The following RCC2 variants were observed in gnomAD, a reference collection of about 807,000 sequenced individuals.
RCC2 encodes the protein regulator of chromosome condensation 2.
In RCC2, 19 loss-of-function variants were observed where a neutral mutation model predicts 64.1. The ratio of observed to expected loss-of-function variants is 0.30; its 90% CI spans 0.21 to 0.44. The LOEUF is 0.44. Ranked by LOEUF, RCC2 falls within the 20% of genes least tolerant of loss-of-function variation. RCC2 has a pLI of 1.00. For synonymous variants in RCC2, 325 were observed against 279.6 expected (o/e 1.16, Z -1.62); for missense variants, 508 against 710.4 (o/e 0.72, Z 3.24).
chr1:17,413,727 A>C lies in RCC2; in HGVS notation c.1027-10T>G. 6.2e-7 allele frequency: 1 copy of C among 1,605,100 alleles called. No homozygotes were observed. Among genetic ancestry groups the C allele is most frequent in the Non-Finnish European group, 8.5e-7 (1 of 1,176,226 alleles). On this transcript the variant is annotated splice_polypyrimidine_tract_variant and intron_variant, in intron 8 of 12. Transcript: ENST00000375436. Reference sequence around the variant, plus strand: ...GGGAGTCCAGGACCAGCTGCAAGGAAAGAAAACACAGGGTTGGAACAAACA... The same window carrying C: ...GGGAGTCCAGGACCAGCTGCAAGGACAGAAAACACAGGGTTGGAACAAACA...
chr1:17,428,417 G>A (rs1268588909), intron 3 of RCC2, among the ~76,000 whole-genome samples: 2 of 141,270 alleles, frequency 1.4e-5, no homozygotes, highest in Non-Finnish European at 3.2e-5. Flanking sequence ...GATTTCCAAC[G>A]CCCCTGTTTT....
rs528043222 is a variant in RCC2, at chr1:17,424,117, C to T, written c.524-1281G>A. On this transcript the variant is annotated intron_variant, in intron 4 of 12. Coordinates refer to ENST00000375436, the MANE Select transcript of RCC2 (RefSeq NM_018715.4). ...CTGAGATGCGGCAGGACAGGGTGAG[C>T]GGGCCACAGATGGAGACCCCACATG... Among the ~76,000 whole-genome samples, 7 of 152,316 alleles carry T rather than the reference C, an allele frequency of 4.6e-5. No individual in the cohort carries two copies. The East Asian group carries it at 9.6e-4, about 21-fold the overall frequency.
chr1:17,432,561 T>C (rs1186979234), intron 2 of RCC2, among the ~76,000 whole-genome samples: 1 of 152,072 alleles, frequency 6.6e-6, no homozygotes. Flanking sequence ...CACCCTACAC[T>C]GAGATGCAAC....
chr1:17,422,197 G>T lies in RCC2; in HGVS notation c.744+6C>A. On this transcript the variant is annotated splice_donor_region_variant and intron_variant, in intron 6 of 12. Transcript: ENST00000375436. ...AGCCATGGAGCCGGAGCTGAGGAGG[G>T]GTCACCTGCGCGGGGCTGGGAACAG... 6.3e-7 allele frequency: 1 copy of T among 1,597,424 alleles called. No homozygotes were observed. The highest frequency in any genetic ancestry group is 8.6e-7 in the Non-Finnish European group (1 of 1,169,210).
Position 17,438,379 on chromosome 1 carries a change from T to C in RCC2, c.136A>G (p.Ser46Gly). Residue 46 changes from serine (S) to glycine (G), a missense_variant, in exon 2 of 13, where the codon AGC (serine) becomes GGC (glycine). By Grantham distance (56) the Ser-to-Gly change is moderately conservative. Coordinates refer to ENST00000375436, the MANE Select transcript of RCC2 (RefSeq NM_018715.4). ...TCGTCGCCGCTGCTGCCGCCGCCGC[T>C]GCTGCTACTGCAGCGCTCGGGCCGC... is the stretch of plus-strand genomic sequence containing the variant. ...RERPERCSSSSGGGSSGDEDG... is the reference protein window; with the variant it reads ...RERPERCSSSGGGGSSGDEDG... 2.4e-6 allele frequency: 3 copies of C among 1,250,052 alleles called. No homozygotes were observed. The highest frequency in any genetic ancestry group is 3.0e-6 in the Non-Finnish European group (3 of 1,001,702). The allele number at this position is 1,250,052 out of a possible 1,614,324, so 77.4% of individuals were successfully genotyped here. A position where few individuals can be genotyped will look rare whatever the true frequency, so the allele number is the denominator to read the frequency against.
intron 2 of RCC2, among the ~76,000 whole-genome samples, chr1:17,436,035 C>G (rs2100399019): frequency 6.6e-6 from 1 of 152,242 alleles, no homozygotes; most frequent in East Asian, 1.9e-4. Flanking sequence ...TAGAACAGCA[C>G]CGACAGCCCA....
intron 11 of RCC2, among the ~76,000 whole-genome samples, chr1:17,410,408 C>T (rs1024492870): frequency 6.6e-6 from 1 of 152,172 alleles, no homozygotes; most frequent in East Asian, 1.9e-4. Context: ...AGGACCAAAG[C>T]GACCAAGAAC....
intron 8 of RCC2, among the ~76,000 whole-genome samples, chr1:17,416,084 G>GGC (rs1298867326): frequency 8.9e-6 from 1 of 112,810 alleles, no homozygotes; most frequent in African/African-American, 3.3e-5. Context: ...AAAAAGGGGG[G>GGC]GGGGGCGGGG....
chr1:17,421,084 C>T (rs1443087372), intron 6 of RCC2, among the ~76,000 whole-genome samples: 1 of 152,152 alleles, frequency 6.6e-6, no homozygotes, highest in Non-Finnish European at 1.5e-5. Context: ...ATCAATAAAA[C>T]CAAGTCCCTC....
At chr1:17,410,528 T>C (rs965829617) in intron 11 of RCC2, among the ~76,000 whole-genome samples, 1 of 152,176 alleles carries the variant, frequency 6.6e-6, no homozygotes, top group Non-Finnish European at 1.5e-5. Context: ...CTATTAGCAA[T>C]GGCACCAGAG....
At chr1:17,416,444 T>C (rs1315525778) in intron 8 of RCC2, 36 bp downstream of exon 8, 2 of 1,582,828 alleles carry the variant, frequency 1.3e-6, no homozygotes, top group Admixed American at 3.4e-5. Flanking sequence ...TCCATCCTGG[T>C]GCGACTCTCA....
At position 17,438,473 on chromosome 1, in the gene RCC2, C is replaced by A; in HGVS notation, c.42G>T (p.Pro14=). ...CGCGGGCAGTGCCGTTGCCCGAGCT[C>A]GGCTCCTCCCAGGCCGCCGCCGCCG... ...KKAAAAAWEE[P]SSGNGTARAG... is the part of the protein sequence containing the mutation. Residue 14 remains proline, a synonymous_variant, in exon 2 of 13, where the codon CCG becomes CCT. Coordinates refer to ENST00000375436, the MANE Select transcript of RCC2 (RefSeq NM_018715.4). The A allele has an allele frequency of 7.5e-7, 1 of 1,338,308 alleles. No homozygotes were observed. The highest frequency in any genetic ancestry group is 9.5e-7 in the Non-Finnish European group (1 of 1,049,102). The allele number at this position is 1,338,308 out of a possible 1,614,324, so 82.9% of individuals were successfully genotyped here. A position where few individuals can be genotyped will look rare whatever the true frequency, so the allele number is the denominator to read the frequency against.
chr1:17,415,065 T>A (rs1325152043), intron 8 of RCC2, among the ~76,000 whole-genome samples: 1 of 152,228 alleles, frequency 6.6e-6, no homozygotes, highest in African/African-American at 2.4e-5. Flanking sequence ...GCCAATTCAG[T>A]TCTTTGATGT....
chr1:17,416,743 C>A, intron 7 of RCC2, 97 bp from the exon 8 acceptor site: 1 of 1,286,724 alleles, frequency 7.8e-7, no homozygotes, highest in Admixed American at 2.6e-5. Context: ...CGGCAGCACC[C>A]CAATCTGGCC....
chr1:17,415,438 C>T (rs2075471998), intron 8 of RCC2, among the ~76,000 whole-genome samples: 2 of 152,148 alleles, frequency 1.3e-5, no homozygotes, highest in African/African-American at 2.4e-5. Context: ...AACAGCCGGG[C>T]GCGGTGGCTC....
rs1340859179 is a variant in RCC2 at position 17,438,388 on chromosome 1, T to C, written c.127A>G (p.Ser43Gly). ...CTGCTGCCGCCGCCGCTGCTGCTAC[T>C]GCAGCGCTCGGGCCGCTCGCGCTTC... ...GRKRERPERC[S>G]SSSGGGSSGD... Residue 43 changes from serine (S) to glycine (G), a missense_variant, in exon 2 of 13, where the codon AGT becomes GGT. Ser to Gly is a moderately conservative substitution (Grantham distance 56). Coordinates refer to ENST00000375436, the MANE Select transcript of RCC2 (RefSeq NM_018715.4). 2 of 1,258,290 alleles carry C rather than the reference T, an allele frequency of 1.6e-6. No homozygotes were observed. Among genetic ancestry groups the C allele is most frequent in the Non-Finnish European group, 2.0e-6 (2 of 1,006,116 alleles). 77.9% of individuals were successfully genotyped at this position (1,258,290 alleles called of 1,614,324 possible). A position where few individuals can be genotyped will look rare whatever the true frequency, so the allele number is the denominator to read the frequency against.
chr1:17,432,124 A>G (rs549470020), intron 2 of RCC2, among the ~76,000 whole-genome samples: 1 of 152,284 alleles, frequency 6.6e-6, no homozygotes, highest in African/African-American at 2.4e-5. Flanking sequence ...GAGGGAAGTG[A>G]AACAACACGG....
At chr1:17,428,831 T>C (rs1447267408) in intron 3 of RCC2, among the ~76,000 whole-genome samples, 2 of 152,218 alleles carry the variant, frequency 1.3e-5, no homozygotes, top group Admixed American at 6.5e-5. Context: ...AGAGGGAAGA[T>C]GGAAAAGGTG....
Position 17,438,419 on chromosome 1 carries a change from C to A in RCC2, c.96G>T (p.Ala32=). 2.4e-6 allele frequency: 3 copies of A among 1,273,266 alleles called. No homozygotes were observed. The allele number at this position is 1,273,266 out of a possible 1,614,324, so 78.9% of individuals were successfully genotyped here. A position where few individuals can be genotyped will look rare whatever the true frequency, so the allele number is the denominator to read the frequency against. ...GCTCGGGCCGCTCGCGCTTCCTGCC[C>A]GCCGGGCCGCCGCGTTTCCTGGGCC... is the stretch of plus-strand genomic sequence containing the variant. ...RAGPRKRGGP[A]GRKRERPERC... Residue 32 remains alanine (A), a synonymous_variant, in exon 2 of 13, where the codon GCG becomes GCT. Transcript: ENST00000375436.
Sources: gnomAD v4.1 joint callset for allele counts (sites outside exome capture counted in the v4.1 genomes callset) on GRCh38, gnomAD v4.1.1 for gene constraint, MANE v1.5 for transcripts, NCBI Gene and HGNC (gene_info 2026-07-23, HGNC 2026-07-21) for gene names.